NAA11: variants seen among roughly 807,000 people sequenced by gnomAD.
NAA11 encodes N-alpha-acetyltransferase 11, NatA catalytic subunit, also known as N-alpha-acetyltransferase 11.
Under a neutral mutation model 16.1 loss-of-function variants are expected in NAA11, and 15 were observed. That is an observed-to-expected ratio of 0.93 (90% CI 0.62 to 1.44). The LOEUF (loss-of-function observed/expected upper bound fraction) is 1.44, where lower values mean the gene tolerates loss of function less well. Among genes scored for constraint, NAA11 ranks in the 40% most tolerant of loss-of-function variants. NAA11 has a pLI of 0.00. For missense variants in NAA11, 298 were observed against 291.3 expected (o/e 1.02, Z -0.17); for synonymous variants, 122 against 112.4 (o/e 1.09, Z -0.54).
At chr4:79,303,136 A>C (rs1255816671) in intron 1 of NAA11, among the ~76,000 whole-genome samples, 1 of 137,890 alleles carries the variant, frequency 7.3e-6, no homozygotes, top group Non-Finnish European at 1.6e-5. Context: ...CCCAACATAA[A>C]TATTTTCAAA....
chr4:79,288,097 C>T (rs1021756598), intron 2 of NAA11, among the ~76,000 whole-genome samples: 7 of 152,160 alleles, frequency 4.6e-5, no homozygotes, highest in South Asian at 2.1e-4. Context: ...GAGACACTCT[C>T]AGCAGAGGGA....
At chr4:79,166,409 T>C in the NAA11 span, among the ~76,000 whole-genome samples, 2 of 151,676 alleles carry the variant, frequency 1.3e-5, no homozygotes, top group Non-Finnish European at 2.9e-5. Context: ...TGGAGTGTAG[T>C]GGTGCAAACA....
At chr4:79,222,293 T>C (rs555023293), downstream of NAA11, among the ~76,000 whole-genome samples, 1 of 152,262 alleles carries the variant, frequency 6.6e-6, no homozygotes, top group Admixed American at 6.5e-5. Context: ...TTGCTAGCGG[T>C]CTATCAATTT....
At chr4:79,273,926 A>G (rs1392827923) in intron 2 of NAA11, among the ~76,000 whole-genome samples, 2 of 152,044 alleles carry the variant, frequency 1.3e-5, no homozygotes, top group African/African-American at 2.4e-5. Context: ...AAGAATCCAT[A>G]TGTCCATTTG....
chr4:79,182,023 C>A, the NAA11 span, among the ~76,000 whole-genome samples: 1 of 152,112 alleles, frequency 6.6e-6, no homozygotes, highest in South Asian at 2.1e-4. Flanking sequence ...AGATAATATT[C>A]CAATTTTAGG....
At chr4:79,303,076 T>TTATA (rs59261096) in intron 1 of NAA11, among the ~76,000 whole-genome samples, 1,743 of 67,096 alleles carry the variant, frequency 0.026, 71 homozygotes, top group Non-Finnish European at 0.034. Flanking sequence ...TTGAGGCCTT[T>TTATA]TATATATATA....
Position 79,245,803 on chromosome 4 carries a change from A to T in NAA11, c.*123-19533T>A, listed in dbSNP as rs1455529625. 2.0e-5 allele frequency among the ~76,000 whole-genome samples: 3 copies of T among 151,642 alleles called. No individual in the cohort carries two copies. In the South Asian group the frequency reaches 6.2e-4, roughly 32 times the overall value. ...CGCCCAGCCGCCCGTCTGGGGGGTG[A>T]GGGGCCCCTCTGCCCGGCCGCCACG... On this transcript the variant is annotated intron_variant and NMD_transcript_variant, in intron 2 of 2. Coordinates refer to the NAA11 transcript ENST00000511542.
the NAA11 span, among the ~76,000 whole-genome samples, chr4:79,212,876 C>A: frequency 6.6e-6 from 1 of 151,922 alleles, no homozygotes; most frequent in Non-Finnish European, 1.5e-5. Context: ...GGAACATATC[C>A]CCCAAGGATA....
chr4:79,261,792 T>C (rs1356588551), intron 2 of NAA11, among the ~76,000 whole-genome samples: 2 of 152,234 alleles, frequency 1.3e-5, no homozygotes, highest in African/African-American at 2.4e-5. Context: ...ACAATGGTTC[T>C]ACAAAATGCT....
At chr4:79,188,807 C>G in the NAA11 span, among the ~76,000 whole-genome samples, 1 of 152,018 alleles carries the variant, frequency 6.6e-6, no homozygotes, top group African/African-American at 2.4e-5. Flanking sequence ...GAGTCTTCAG[C>G]CTCTCAGTAG....
At chr4:79,177,420 T>C in the NAA11 span, among the ~76,000 whole-genome samples, 1 of 147,076 alleles carries the variant, frequency 6.8e-6, no homozygotes, top group African/African-American at 2.5e-5. Flanking sequence ...AAAAAAACCA[T>C]AAACATGGAA....
intron 2 of NAA11, among the ~76,000 whole-genome samples, chr4:79,272,775 A>T (rs1722527224): frequency 6.6e-6 from 1 of 151,998 alleles, no homozygotes; most frequent in Admixed American, 6.6e-5. Flanking sequence ...TCCGATGCTC[A>T]CATTCTGTGG....
chr4:79,229,585 T>C lies in NAA11; in HGVS notation c.*123-3315A>G, dbSNP rs564983651. 2.2e-4 allele frequency among the ~76,000 whole-genome samples: 34 copies of C among 152,110 alleles called. 1 individual carries two copies. Among genetic ancestry groups the C allele is most frequent in the South Asian group, 1.0e-3 (5 of 4,824 alleles). ...CCTACACTCACTTTCACTCTGCTTT[T>C]ACTCACCACTGGATCCAGCTTTGAG... is the stretch of plus-strand genomic sequence containing the variant. On this transcript the variant is annotated intron_variant and NMD_transcript_variant, in intron 2 of 2. Transcript: ENST00000511542.
At chr4:79,223,924 TA>T (rs1721255479), downstream of NAA11, among the ~76,000 whole-genome samples, 1 of 152,176 alleles carries the variant, frequency 6.6e-6, no homozygotes, top group African/African-American at 2.4e-5. Flanking sequence ...ATTCTCACTT[TA>T]TTTTTATATC....
intron 2 of NAA11, among the ~76,000 whole-genome samples, chr4:79,232,716 C>G (rs959019914): frequency 6.6e-6 from 1 of 151,884 alleles, no homozygotes; most frequent in African/African-American, 2.4e-5. Context: ...GTTAAAGAGA[C>G]CTTTGTATAA....
At chr4:79,187,688 G>A in the NAA11 span, among the ~76,000 whole-genome samples, 1 of 152,190 alleles carries the variant, frequency 6.6e-6, no homozygotes, top group East Asian at 1.9e-4. Context: ...ATGCAGTTTA[G>A]CAAACTGAAC....
downstream of NAA11, among the ~76,000 whole-genome samples, chr4:79,315,638 TGCTC>T (rs1723905464): frequency 6.6e-6 from 1 of 152,108 alleles, no homozygotes; most frequent in Non-Finnish European, 1.5e-5. Flanking sequence ...AGCCTTGCTT[TGCTC>T]TCTCTAGGAC....
At chr4:79,294,792 T>C (rs373511949) in intron 1 of NAA11, among the ~76,000 whole-genome samples, 7 of 152,210 alleles carry the variant, frequency 4.6e-5, no homozygotes, top group South Asian at 2.1e-4. Context: ...AAATGATCCA[T>C]AGTTTTCTAA....
At chr4:79,267,149 A>G (rs142891538) in intron 2 of NAA11, among the ~76,000 whole-genome samples, 1 of 152,286 alleles carries the variant, frequency 6.6e-6, no homozygotes, top group East Asian at 1.9e-4. Context: ...CCTGAAGCAA[A>G]TTCATTTACG....
Sources: gnomAD v4.1 joint callset for allele counts (sites outside exome capture counted in the v4.1 genomes callset) on GRCh38, gnomAD v4.1.1 for gene constraint, MANE v1.5 for transcripts, NCBI Gene and HGNC (gene_info 2026-07-23, HGNC 2026-07-21) for gene names.